ARHGEF7: variants seen among roughly 807,000 people sequenced by gnomAD.
The protein encoded by ARHGEF7 is Rho guanine nucleotide exchange factor 7.
In ARHGEF7, 33 loss-of-function variants were observed where a neutral mutation model predicts 109.8. That is an observed-to-expected ratio of 0.30 (90% CI 0.23 to 0.40). The LOEUF is 0.40. ARHGEF7 is among the 10% of genes least tolerant of loss of function. The pLI, the probability that ARHGEF7 is intolerant of heterozygous loss-of-function variation, is 1.00. For synonymous variants in ARHGEF7, 458 were observed against 424.6 expected (o/e 1.08, Z -0.97); for missense variants, 938 against 1,098.5 (o/e 0.85, Z 2.07).
At chr13:111,166,235 A>G (rs1476635680) in intron 2 of ARHGEF7, among the ~76,000 whole-genome samples, 1 of 152,018 alleles carries the variant, frequency 6.6e-6, no homozygotes, top group Non-Finnish European at 1.5e-5. Context: ...GATTTTACCT[A>G]ATGTCTTAGA....
chr13:111,213,844 G>A lies in ARHGEF7; in HGVS notation c.469-3835G>A, dbSNP rs569791989. 2.6e-5 allele frequency among the ~76,000 whole-genome samples: 4 copies of A among 152,284 alleles called. No individual in the cohort carries two copies. In the South Asian group the frequency reaches 8.3e-4, roughly 32 times the overall value. On this transcript the variant is annotated intron_variant, in intron 4 of 21. Transcript: ENST00000646102. Reference sequence around the variant, plus strand: ...CAGCTGCCGTGATTTTAGGCTGAACGTGGTAGTATAGAGTGTGTAGTTGGA... The same window carrying A: ...CAGCTGCCGTGATTTTAGGCTGAACATGGTAGTATAGAGTGTGTAGTTGGA...
At chr13:111,293,306 T>A in intron 19 of ARHGEF7, 1 of 985,368 alleles carries the variant, frequency 1.0e-6, no homozygotes, top group Non-Finnish European at 1.2e-6. Context: ...GACACATCAT[T>A]ATTTTCAGCA....
At chr13:111,129,207 A>G (rs755372045) in intron 1 of ARHGEF7, among the ~76,000 whole-genome samples, 30 of 152,224 alleles carry the variant, frequency 2.0e-4, no homozygotes, top group Non-Finnish European at 4.0e-4. Context: ...ACAAAAATTA[A>G]CTAAAAATGA....
intron 1 of ARHGEF7, among the ~76,000 whole-genome samples, chr13:111,147,638 C>G (rs532245380): frequency 6.6e-6 from 1 of 151,806 alleles, no homozygotes. Context: ...AAATGGCACA[C>G]CTTTGAGATG....
intron 2 of ARHGEF7, among the ~76,000 whole-genome samples, chr13:111,184,004 ACT>A (rs1226530647): frequency 6.6e-6 from 1 of 151,552 alleles, no homozygotes; most frequent in African/African-American, 2.4e-5. Flanking sequence ...TTATGGTGTG[ACT>A]CTGTCCCCAC....
intron 18 of ARHGEF7, among the ~76,000 whole-genome samples, chr13:111,290,073 TATTG>T (rs1318429119): frequency 3.3e-5 from 5 of 152,260 alleles, no homozygotes; most frequent in Admixed American, 3.3e-4. Flanking sequence ...TATAATTTGA[TATTG>T]ATCATGTTTT....
rs769245696 is a variant in ARHGEF7 at position 111,288,358 on chromosome 13, A to G, written c.2049A>G (p.Thr683=). 4 of 1,612,788 alleles carry G rather than the reference A, an allele frequency of 2.5e-6. No individual in the cohort carries two copies. Among genetic ancestry groups the G allele is most frequent in the South Asian group, 2.2e-5 (2 of 90,932 alleles). Residue 683 remains threonine (T), a synonymous_variant, in exon 18 of 22, where the codon ACA becomes ACG. Coordinates refer to ENST00000646102, the MANE Select transcript of ARHGEF7 (RefSeq NM_001354046.2). ...SDEEFASRKS[T]AALEEDAQIL... ...CTGTTGCGCATCTCTTGACAGGCAC[A>G]GCTGCTTTGGAAGAAGATGCTCAGA... is the stretch of plus-strand genomic sequence containing the variant.
intron 2 of ARHGEF7, among the ~76,000 whole-genome samples, chr13:111,174,538 T>C (rs564345529): frequency 6.6e-6 from 1 of 152,342 alleles, no homozygotes; most frequent in East Asian, 1.9e-4. Context: ...TATGACTTCC[T>C]GGTCATTACA....
intron 19 of ARHGEF7, among the ~76,000 whole-genome samples, chr13:111,297,465 G>A (rs920049199): frequency 6.6e-6 from 1 of 152,186 alleles, no homozygotes; most frequent in Admixed American, 6.5e-5. Flanking sequence ...TACAGTAACC[G>A]TACCAGTTCT....
chr13:111,122,432 G>A (rs1415467310), intron 1 of ARHGEF7, among the ~76,000 whole-genome samples: 1 of 152,172 alleles, frequency 6.6e-6, no homozygotes, highest in African/African-American at 2.4e-5. Flanking sequence ...TCAAGTTAGG[G>A]TAGGAGAATT....
chr13:111,236,803 GAAAA>G (rs765207124), intron 6 of ARHGEF7, among the ~76,000 whole-genome samples: 21 of 151,980 alleles, frequency 1.4e-4, no homozygotes, highest in Admixed American at 4.6e-4. Flanking sequence ...CATGTCTCTA[GAAAA>G]AACCAAAATT....
intron 2 of ARHGEF7, among the ~76,000 whole-genome samples, 185 bp downstream of exon 2, chr13:111,154,176 C>T (rs1338728932): frequency 2.0e-5 from 3 of 151,386 alleles, no homozygotes; most frequent in East Asian, 3.9e-4. Flanking sequence ...CGGGAGGTGG[C>T]GGCGCGCGGG....
intron 1 of ARHGEF7, among the ~76,000 whole-genome samples, chr13:111,116,061 G>A (rs1271166243): frequency 1.3e-5 from 2 of 152,206 alleles, no homozygotes; most frequent in African/African-American, 2.4e-5. Flanking sequence ...ACCGCGTTCC[G>A]ACGCGGTGCG....
At chr13:111,118,342 C>T (rs897409899) in intron 1 of ARHGEF7, among the ~76,000 whole-genome samples, 1 of 152,222 alleles carries the variant, frequency 6.6e-6, no homozygotes, top group Non-Finnish European at 1.5e-5. Flanking sequence ...CACCCAGGTT[C>T]CCGCTTTGCT....
At position 111,303,146 on chromosome 13, in the gene ARHGEF7, G is replaced by A. The variant is rs1393476524; in HGVS notation, c.*33G>A. 1 of 1,486,020 alleles carries A rather than the reference G, an allele frequency of 6.7e-7. No individual in the cohort carries two copies. Among genetic ancestry groups the A allele is most frequent in the Non-Finnish European group, 9.1e-7 (1 of 1,101,786 alleles). 92.1% of individuals were successfully genotyped at this position (1,486,020 alleles called of 1,614,324 possible). A position where few individuals can be genotyped will look rare whatever the true frequency, so the allele number is the denominator to read the frequency against. On this transcript the variant is annotated 3_prime_UTR_variant, in exon 22 of 22. Transcript: ENST00000646102. ...CCTCAGTTCTTTCTGTTGAAGACCAGTTCTGAGGTGAAGCTGGGCACCCCT... is the reference window on the plus strand; with the variant it reads ...CCTCAGTTCTTTCTGTTGAAGACCAATTCTGAGGTGAAGCTGGGCACCCCT...
At chr13:111,256,249 G>A (rs953169445) in intron 8 of ARHGEF7, among the ~76,000 whole-genome samples, 6 of 152,160 alleles carry the variant, frequency 3.9e-5, no homozygotes, top group African/African-American at 1.4e-4. Context: ...TAGACCAAAC[G>A]TTCAGGAAAG....
chr13:111,207,473 G>T (rs868428039), intron 3 of ARHGEF7, among the ~76,000 whole-genome samples: 4 of 152,330 alleles, frequency 2.6e-5, no homozygotes, highest in Middle Eastern at 3.4e-3. Flanking sequence ...TGTCCTAAAT[G>T]ATGTGCCTTA....
intron 8 of ARHGEF7, among the ~76,000 whole-genome samples, chr13:111,251,334 T>TG (rs542678024): frequency 1.7e-4 from 26 of 151,396 alleles, no homozygotes; most frequent in African/African-American, 5.8e-4. Flanking sequence ...TGGAGAGGAG[T>TG]GGAACAGTAG....
In ARHGEF7 at chr13:111,154,955, C is replaced by G. The variant is rs542507942; in HGVS notation, c.252+964C>G. Among the ~76,000 whole-genome samples the G allele has an allele frequency of 8.0e-4, 122 of 152,072 alleles. 1 individual carries two copies. Among genetic ancestry groups the G allele is most frequent in the African/African-American group, 2.8e-3 (117 of 41,468 alleles). On this transcript the variant is annotated intron_variant, in intron 2 of 21. Coordinates refer to ENST00000646102, the MANE Select transcript of ARHGEF7 (RefSeq NM_001354046.2). Reference sequence around the variant, plus strand: ...CCCTCCGTATCCAAGGTTACCCACCCGTGTATTCAGCCAACCTTGGATTGG... The same window carrying G: ...CCCTCCGTATCCAAGGTTACCCACCGGTGTATTCAGCCAACCTTGGATTGG...
Sources: gnomAD v4.1 joint callset for allele counts (sites outside exome capture counted in the v4.1 genomes callset) on GRCh38, gnomAD v4.1.1 for gene constraint, MANE v1.5 for transcripts, NCBI Gene and HGNC (gene_info 2026-07-23, HGNC 2026-07-21) for gene names.